Variants in DPP10 observed in about 807,000 individuals in gnomAD.
The protein encoded by DPP10 is dipeptidyl peptidase like 10.
In DPP10, 33 loss-of-function variants were observed where a neutral mutation model predicts 120.9. The ratio of observed to expected loss-of-function variants is 0.27; its 90% confidence interval spans 0.21 to 0.37. DPP10 has a LOEUF of 0.37. Among genes scored for constraint, DPP10 ranks in the 10% least tolerant of loss-of-function variants. The probability of loss-of-function intolerance (pLI) is 1.00; values close to 1 mark genes in which losing one functional copy is unlikely to be tolerated. For synonymous variants in DPP10, 337 were observed against 326.1 expected (o/e 1.03, Z -0.36); for missense variants, 816 against 942.8 (o/e 0.87, Z 1.76).
chr2:115,163,913 C>T (rs2052632448), intron 1 of DPP10, among the ~76,000 whole-genome samples: 1 of 152,082 alleles, frequency 6.6e-6, no homozygotes. Flanking sequence ...ACAACAAATC[C>T]CCTTGTCAGG....
intron 1 of DPP10, among the ~76,000 whole-genome samples, chr2:115,084,515 T>C (rs974122754): frequency 6.6e-6 from 1 of 152,234 alleles, no homozygotes; most frequent in Non-Finnish European, 1.5e-5. Context: ...CCTGGTACTA[T>C]GATTGCAGTG....
At chr2:114,946,531 A>G (rs1450149591) in intron 1 of DPP10, among the ~76,000 whole-genome samples, 6 of 152,160 alleles carry the variant, frequency 3.9e-5, no homozygotes, top group Non-Finnish European at 8.8e-5. Context: ...TCTAAAAAAC[A>G]AGTAAATAAA....
intron 1 of DPP10, among the ~76,000 whole-genome samples, chr2:115,069,766 T>C (rs1425348817): frequency 6.6e-6 from 1 of 151,870 alleles, no homozygotes; most frequent in African/African-American, 2.4e-5. Flanking sequence ...TTACTTAACC[T>C]CTCTGAGAAT....
chr2:115,475,029 G>A (rs1224032767), intron 3 of DPP10, among the ~76,000 whole-genome samples: 2 of 151,838 alleles, frequency 1.3e-5, no homozygotes, highest in South Asian at 4.2e-4. Flanking sequence ...TGGTAGAAAA[G>A]AAAAGCCATT....
At chr2:115,618,845 C>T (rs1276929092) in intron 5 of DPP10, among the ~76,000 whole-genome samples, 2 of 151,864 alleles carry the variant, frequency 1.3e-5, no homozygotes, top group African/African-American at 4.8e-5. Flanking sequence ...AATTATTTTC[C>T]TCTTGATCTA....
chr2:114,603,711 T>C (rs939224149), intron 1 of DPP10, among the ~76,000 whole-genome samples: 1 of 152,050 alleles, frequency 6.6e-6, no homozygotes, highest in African/African-American at 2.4e-5. Context: ...TCCTCCTCTT[T>C]TCCTGGCAAA....
At chr2:115,809,977 C>T (rs902833560) in intron 19 of DPP10, among the ~76,000 whole-genome samples, 1 of 152,122 alleles carries the variant, frequency 6.6e-6, no homozygotes, top group African/African-American at 2.4e-5. Context: ...TCCTGGCTAA[C>T]ATGGTGAAAC....
intron 1 of DPP10, among the ~76,000 whole-genome samples, chr2:114,768,789 C>G (rs1680977483): frequency 6.6e-6 from 1 of 152,046 alleles, no homozygotes; most frequent in Admixed American, 6.6e-5. Flanking sequence ...TTAAAGGACT[C>G]CAAAATGGGC....
rs190927694 is a variant in DPP10, at chr2:114,843,215, A to C, written c.60+400377A>C. ...AAATAATCCCAGGATGGTACTACTT[A>C]TCTGATTCTTGGCCAAAGCAAGCAC... is the stretch of plus-strand genomic sequence containing the variant. On this transcript the variant is annotated intron_variant, in intron 1 of 25. Coordinates refer to ENST00000410059, the MANE Select transcript of DPP10 (RefSeq NM_020868.6). 8.7e-3 allele frequency among the ~76,000 whole-genome samples: 1,321 copies of C among 152,196 alleles called. 7 individuals are homozygous for C. The highest frequency in any genetic ancestry group is 0.014 in the Non-Finnish European group (972 of 67,994).
At chr2:114,853,445 T>C (rs1033145401) in intron 1 of DPP10, among the ~76,000 whole-genome samples, 1 of 152,082 alleles carries the variant, frequency 6.6e-6, no homozygotes, top group African/African-American at 2.4e-5. Context: ...AATCCATTTT[T>C]GCAAAATTTG....
chr2:115,785,979 A>T (rs1444517580), intron 17 of DPP10, among the ~76,000 whole-genome samples: 1 of 151,996 alleles, frequency 6.6e-6, no homozygotes, highest in Non-Finnish European at 1.5e-5. Flanking sequence ...ACTAATGTTT[A>T]AATAATCAGA....
chr2:114,517,857 C>A (rs1203582918), intron 1 of DPP10, among the ~76,000 whole-genome samples: 1 of 152,132 alleles, frequency 6.6e-6, no homozygotes. Flanking sequence ...ATGAATCAAG[C>A]CACAAAAGGA....
At chr2:115,679,591 G>GT (rs976438897) in intron 5 of DPP10, among the ~76,000 whole-genome samples, 2 of 152,120 alleles carry the variant, frequency 1.3e-5, no homozygotes, top group African/African-American at 4.8e-5. Context: ...TGGAATCATT[G>GT]TAAGTGTCCA....
chr2:115,485,249 AAAAAAAAC>A, intron 3 of DPP10, among the ~76,000 whole-genome samples: 1 of 151,538 alleles, frequency 6.6e-6, no homozygotes, highest in African/African-American at 2.4e-5. Flanking sequence ...AAAAAAAAAA[AAAAAAAAC>A]AAACAAAAAC....
At chr2:115,551,939 C>T (rs1005642136) in intron 5 of DPP10, among the ~76,000 whole-genome samples, 1 of 152,094 alleles carries the variant, frequency 6.6e-6, no homozygotes, top group African/African-American at 2.4e-5. Flanking sequence ...TTCATTTGTT[C>T]TGTGGCTCTA....
intron 3 of DPP10, among the ~76,000 whole-genome samples, chr2:115,421,811 C>T (rs1338882117): frequency 2.4e-5 from 3 of 124,024 alleles, no homozygotes; most frequent in African/African-American, 9.3e-5. Flanking sequence ...GCAGAGGTTG[C>T]AGTGAGCCGA....
At chr2:115,622,510 C>CTTTTTTTTTTTTTTTTTTTATT (rs2085028904) in intron 5 of DPP10, among the ~76,000 whole-genome samples, 2 of 117,448 alleles carry the variant, frequency 1.7e-5, no homozygotes, top group Admixed American at 8.9e-5. Context: ...ATTTTATTGT[C>CTTTTTTTTTTTTTTTTTTTATT]TTTTTTTTTT....
At chr2:114,631,278 A>G (rs1401946760) in intron 1 of DPP10, among the ~76,000 whole-genome samples, 2 of 152,086 alleles carry the variant, frequency 1.3e-5, no homozygotes, top group Non-Finnish European at 2.9e-5. Flanking sequence ...AGTTTCCGAC[A>G]AACCCACACA....
chr2:114,833,279 C>T (rs1355647050), intron 1 of DPP10: 3 of 64,042 alleles, frequency 4.7e-5, no homozygotes, highest in Non-Finnish European at 1.1e-4. Flanking sequence ...TGAGTTAATT[C>T]TTTAAAAAAA....
Sources: allele counts gnomAD v4.1 joint callset (sites outside exome capture counted in the v4.1 genomes callset), GRCh38; gene constraint gnomAD v4.1.1; transcripts MANE v1.5; gene names NCBI Gene and HGNC (gene_info 2026-07-23, HGNC 2026-07-21).